The following IQSEC1 variants were observed in gnomAD, a reference collection of about 807,000 sequenced individuals.
IQSEC1 encodes IQ motif and SEC7 domain-containing protein 1.
In IQSEC1, 31 loss-of-function variants were observed where a neutral mutation model predicts 91.0. That is an observed-to-expected ratio of 0.34 (90% CI 0.26 to 0.46). The LOEUF is 0.46. Ranked by LOEUF, IQSEC1 falls within the 20% of genes least tolerant of loss-of-function variation. IQSEC1 has a pLI of 1.00. For missense variants in IQSEC1, 1,388 were observed against 1,575.6 expected (o/e 0.88, Z 2.02); for synonymous variants, 699 against 662.6 (o/e 1.05, Z -0.84).
chr3:13,064,572 T>C (rs544612809), intron 1 of IQSEC1, among the ~76,000 whole-genome samples: 1 of 152,230 alleles, frequency 6.6e-6, no homozygotes, highest in African/African-American at 2.4e-5. Flanking sequence ...TCTGGCACCA[T>C]GAGAGATGCT....
chr3:13,030,402 G>C (rs190151116), intron 1 of IQSEC1, among the ~76,000 whole-genome samples: 2 of 152,096 alleles, frequency 1.3e-5, no homozygotes, highest in African/African-American at 4.8e-5. Flanking sequence ...GCTCAGCTTC[G>C]CCCCACCTTT....
chr3:13,056,825 A>T (rs778574582), intron 1 of IQSEC1, among the ~76,000 whole-genome samples: 1 of 152,064 alleles, frequency 6.6e-6, no homozygotes, highest in Non-Finnish European at 1.5e-5. Flanking sequence ...ATATTTTAAA[A>T]ATTTCATTTT....
chr3:13,090,672 C>T lies in IQSEC1; in HGVS notation c.303-43150G>A, dbSNP rs116185167. Among the ~76,000 whole-genome samples, 421 of 152,340 alleles carry T rather than the reference C, an allele frequency of 2.8e-3. 1 individual carries two copies. Among genetic ancestry groups the T allele is most frequent in the Non-Finnish European group, 4.5e-3 (306 of 68,028 alleles). Reference sequence around the variant, plus strand: ...ACAGCCCACCACATCCCGAGAGCCCCTTCTCCCTCCCCACAGCCTGGTGTT... The same window carrying T: ...ACAGCCCACCACATCCCGAGAGCCCTTTCTCCCTCCCCACAGCCTGGTGTT... On this transcript the variant is annotated intron_variant, in intron 2 of 15. Transcript: ENST00000648114.
intron 1 of IQSEC1, among the ~76,000 whole-genome samples, chr3:13,165,539 T>G (rs1693475212): frequency 3.3e-5 from 1 of 30,762 alleles, no homozygotes; most frequent in South Asian, 1.3e-3. Flanking sequence ...GGGGGTGGCG[T>G]GTGTGTGTGT....
chr3:12,926,400 G>A (rs1186774155), intron 3 of IQSEC1, among the ~76,000 whole-genome samples: 1 of 152,180 alleles, frequency 6.6e-6, no homozygotes, highest in African/African-American at 2.4e-5. Flanking sequence ...TGTCCTCTCT[G>A]GAGTTTGCCA....
rs1237678828 is a variant in IQSEC1, at chr3:13,008,978, C to CA, written c.23+64013dup. Among the ~76,000 whole-genome samples the CA allele has an allele frequency of 6.6e-6, 1 of 152,234 alleles. No homozygotes were observed. Among genetic ancestry groups the CA allele is most frequent in the Non-Finnish European group, 1.5e-5 (1 of 68,046 alleles). On this transcript the variant is annotated intron_variant, in intron 1 of 13. Coordinates refer to ENST00000613206, the MANE Select transcript of IQSEC1 (RefSeq NM_001134382.3). The surrounding 1 kb of genome is among the most constrained non-coding windows in gnomAD (Gnocchi z 4.1). ...AAGTGAAGTGACTTGCACAAGGCCA[C>CA]ATGGCTTGTATGCTGCAGAGCTGGG...
chr3:12,951,268 C>CA (rs970413661), intron 1 of IQSEC1, among the ~76,000 whole-genome samples: 2 of 152,104 alleles, frequency 1.3e-5, no homozygotes, highest in African/African-American at 2.4e-5. Flanking sequence ...ACTAAAAATA[C>CA]AAAAAATAGC....
At chr3:13,280,556 G>T (rs1057432105) in intron 1 of IQSEC1, among the ~76,000 whole-genome samples, 3 of 152,156 alleles carry the variant, frequency 2.0e-5, no homozygotes, top group African/African-American at 7.2e-5. Flanking sequence ...ACAAAAATGG[G>T]TCCGGCTGCT....
intron 1 of IQSEC1, among the ~76,000 whole-genome samples, chr3:13,219,234 G>C (rs1462743260): frequency 2.6e-5 from 4 of 152,204 alleles, no homozygotes; most frequent in Non-Finnish European, 5.9e-5. Context: ...CCCAGAGACA[G>C]GCTGCATGGT....
chr3:12,926,882 G>A (rs1001060194), intron 3 of IQSEC1, among the ~76,000 whole-genome samples: 2 of 152,216 alleles, frequency 1.3e-5, no homozygotes, highest in Admixed American at 6.5e-5. Context: ...CAGGAGTGTG[G>A]CAGGGAGCAG....
intron 1 of IQSEC1, among the ~76,000 whole-genome samples, chr3:13,269,492 C>A (rs755563415): frequency 2.4e-4 from 36 of 152,208 alleles, no homozygotes; most frequent in Non-Finnish European, 4.6e-4. Flanking sequence ...CCAGCCCACT[C>A]CCATCCCCTA....
At chr3:13,204,787 CTCTT>C (rs547328680) in intron 1 of IQSEC1, among the ~76,000 whole-genome samples, 108 of 149,798 alleles carry the variant, frequency 7.2e-4, no homozygotes, top group African/African-American at 2.2e-3. Flanking sequence ...TTCTGTGTTT[CTCTT>C]TCTATCTTTC....
At chr3:13,183,154 ACT>A (rs1693873997) in intron 1 of IQSEC1, among the ~76,000 whole-genome samples, 1 of 151,502 alleles carries the variant, frequency 6.6e-6, no homozygotes, top group Non-Finnish European at 1.5e-5. Flanking sequence ...ACAGAGCAAG[ACT>A]CTGTCCCCAC....
At chr3:13,272,343 G>A (rs903151685) in intron 1 of IQSEC1, among the ~76,000 whole-genome samples, 14 of 152,180 alleles carry the variant, frequency 9.2e-5, no homozygotes, top group African/African-American at 2.4e-4. Flanking sequence ...GAGGGGTGGC[G>A]GCAACCCCTC....
intron 1 of IQSEC1, among the ~76,000 whole-genome samples, chr3:13,171,097 TCAAAAAAAA>T (rs1168949493): frequency 1.5e-4 from 21 of 144,752 alleles, no homozygotes; most frequent in Middle Eastern, 3.4e-3. Flanking sequence ...AGACTCCATC[TCAAAAAAAA>T]CAAAAAAAAC....
intron 1 of IQSEC1, among the ~76,000 whole-genome samples, chr3:13,196,975 T>A (rs1437719556): frequency 5.3e-5 from 8 of 152,060 alleles, no homozygotes. Context: ...GGGTGTTCTC[T>A]GAGGCAGGAT....
At chr3:13,215,231 C>T (rs1037358686) in intron 1 of IQSEC1, among the ~76,000 whole-genome samples, 2 of 151,924 alleles carry the variant, frequency 1.3e-5, no homozygotes, top group Non-Finnish European at 2.9e-5. Context: ...AATAAACCAG[C>T]GGCCAAGGCT....
At chr3:13,141,381 A>G (rs902108619) in intron 2 of IQSEC1, among the ~76,000 whole-genome samples, 3 of 152,250 alleles carry the variant, frequency 2.0e-5, no homozygotes, top group African/African-American at 7.2e-5. Context: ...CAGCAGCCGC[A>G]TGCCAGCAGC....
At chr3:12,926,148 TA>T (rs1697103603) in intron 3 of IQSEC1, among the ~76,000 whole-genome samples, 1 of 151,950 alleles carries the variant, frequency 6.6e-6, no homozygotes, top group Admixed American at 6.6e-5. Flanking sequence ...CCATCTCTAC[TA>T]AAAATCCAAA....
Sources: allele counts gnomAD v4.1 joint callset (sites outside exome capture counted in the v4.1 genomes callset), GRCh38; gene constraint gnomAD v4.1.1; non-coding constraint Gnocchi (gnomAD v3.1); transcripts MANE v1.5; gene names NCBI Gene and HGNC (gene_info 2026-07-23, HGNC 2026-07-21).